The following MINDY4 variants were observed in gnomAD, a reference collection of about 807,000 sequenced individuals.
MINDY4 encodes the protein MINDY lysine 48 deubiquitinase 4.
MINDY4 carries 68 observed loss-of-function variants against 87.0 expected under a neutral mutation model. The observed-to-expected ratio is 0.78, with a 90% CI of 0.64 to 0.96. The LOEUF (loss-of-function observed/expected upper bound fraction) is 0.96. MINDY4 is among the 40% of genes least tolerant of loss of function. The pLI is 0.00. For synonymous variants in MINDY4, 379 were observed against 363.2 expected, an observed-to-expected ratio of 1.04 and a Z score of -0.50; for missense variants, 919 against 928.2, an observed-to-expected ratio of 0.99 and a Z score of 0.13.
chr7:30,886,955 A>G, intron 17 of MINDY4, among the ~76,000 whole-genome samples: 1 of 152,202 alleles, frequency 6.6e-6, no homozygotes, highest in East Asian at 1.9e-4. Flanking sequence ...GCCTGGCTAG[A>G]GTGAGAAAAA....
At chr7:30,771,592 C>T (rs1195770950) in intron 1 of MINDY4, 36 bp downstream of exon 1, 1 of 1,565,436 alleles carries the variant, frequency 6.4e-7, no homozygotes, top group East Asian at 2.3e-5. Flanking sequence ...CAGGAAGTGG[C>T]TCTAATTTGG....
At chr7:30,779,488 T>G (rs1786936272) in intron 2 of MINDY4, 1 of 152,228 alleles carries the variant, frequency 6.6e-6, no homozygotes, top group African/African-American at 2.4e-5. Context: ...AGTTCAGCAT[T>G]TATCACAATT....
rs999014215 is a variant in MINDY4, at chr7:30,878,633, A to G, written c.1971+2977A>G. Among the ~76,000 whole-genome samples, 6 of 152,186 alleles carry G rather than the reference A, an allele frequency of 3.9e-5. No homozygotes were observed. In the South Asian group the frequency reaches 1.2e-3, roughly 32 times the overall value. ...GTCATGGTGGTGATGGGGGACTGAC[A>G]GTCCAGGAGGGATGGGGTGGGACAG... On this transcript the variant is annotated intron_variant, in intron 15 of 17. Transcript: ENST00000265299.
At chr7:30,796,148 T>G (rs1787482279) in intron 5 of MINDY4, among the ~76,000 whole-genome samples, 1 of 152,118 alleles carries the variant, frequency 6.6e-6, no homozygotes. Context: ...TCACTATGGT[T>G]TTTAAAATAT....
intron 5 of MINDY4, among the ~76,000 whole-genome samples, chr7:30,817,932 G>A (rs1211527605): frequency 6.6e-6 from 1 of 152,146 alleles, no homozygotes; most frequent in African/African-American, 2.4e-5. Flanking sequence ...TGGTCCTGGG[G>A]TTTTCAGTTT....
chr7:30,802,168 C>T (rs1393239478), intron 5 of MINDY4, among the ~76,000 whole-genome samples: 2 of 151,920 alleles, frequency 1.3e-5, no homozygotes, highest in Non-Finnish European at 2.9e-5. Context: ...TAGCTATGTT[C>T]CAGCAGTTCC....
intron 15 of MINDY4, among the ~76,000 whole-genome samples, chr7:30,880,022 T>G (rs1790409160): frequency 6.6e-6 from 1 of 152,224 alleles, no homozygotes; most frequent in Admixed American, 6.5e-5. Flanking sequence ...AATTAATGTG[T>G]CATCCCCATC....
chr7:30,884,374 C>A (rs1419365169), intron 17 of MINDY4, among the ~76,000 whole-genome samples: 1 of 152,188 alleles, frequency 6.6e-6, no homozygotes, highest in Non-Finnish European at 1.5e-5. Flanking sequence ...TGTGCTGGTG[C>A]TTCTTTCGTC....
rs775855866 is a variant in MINDY4 at position 30,771,470 on chromosome 7, G to C, written c.-24G>C. ...GGTGCTGCGGCCCGGCGTGGGCCTC[G>C]TGGGCAGAGCCAGAGCCAGAGCCAT... On this transcript the variant is annotated 5_prime_UTR_variant, in exon 1 of 18. Coordinates refer to ENST00000265299, the MANE Select transcript of MINDY4 (RefSeq NM_032222.3). The C allele has an allele frequency of 4.4e-6, 7 of 1,595,486 alleles. No individual in the cohort carries two copies. Among genetic ancestry groups the C allele is most frequent in the East Asian group, 2.3e-5 (1 of 44,232 alleles).
intron 1 of MINDY4, among the ~76,000 whole-genome samples, chr7:30,776,137 G>GT (rs139937494): frequency 0.014 from 2,164 of 152,282 alleles, 52 homozygotes; most frequent in African/African-American, 0.05. Flanking sequence ...GCCTCCTACA[G>GT]TTTATTTTCA....
intron 5 of MINDY4, among the ~76,000 whole-genome samples, chr7:30,812,777 T>G (rs1266338498): frequency 6.6e-6 from 1 of 152,016 alleles, no homozygotes; most frequent in Non-Finnish European, 1.5e-5. Flanking sequence ...TCTTACCCCC[T>G]CTAACCAGCT....
In MINDY4 at chr7:30,771,535, C is replaced by A; in HGVS notation, c.42C>A (p.Val14=). Residue 14 remains valine (V), a synonymous_variant, in exon 1 of 18, where the codon GTC becomes GTA. Coordinates refer to ENST00000265299, the MANE Select transcript of MINDY4 (RefSeq NM_032222.3). ...TGGAGGAGGTGGCCGCCTCCTTGGT[C>A]AGGGAGTTCCTCAGCAGAAAGGTAA... ...LFVEEVAASL[V]REFLSRKGLK... is the part of the protein sequence containing the mutation. 6.2e-7 allele frequency: 1 copy of A among 1,603,176 alleles called. No homozygotes were observed. Among genetic ancestry groups the A allele is most frequent in the African/African-American group, 1.3e-5 (1 of 74,994 alleles).
intron 9 of MINDY4, among the ~76,000 whole-genome samples, chr7:30,845,297 T>C (rs1789172748): frequency 6.6e-6 from 1 of 151,986 alleles, no homozygotes; most frequent in Non-Finnish European, 1.5e-5. Flanking sequence ...AGCAAACACC[T>C]ACAGAGCCCC....
chr7:30,826,834 C>A (rs1238894639), intron 5 of MINDY4, among the ~76,000 whole-genome samples: 1 of 152,192 alleles, frequency 6.6e-6, no homozygotes, highest in African/African-American at 2.4e-5. Flanking sequence ...GCTTGCAAAG[C>A]ACTTAGCACA....
At chr7:30,877,930 T>G (rs866309430) in intron 15 of MINDY4, among the ~76,000 whole-genome samples, 8 of 135,336 alleles carry the variant, frequency 5.9e-5, no homozygotes, top group Admixed American at 1.7e-4. Flanking sequence ...TCCACCCACC[T>G]CAGCCTTACA....
At chr7:30,810,174 C>CAAAAAAAAAAAAAAAAAA (rs58498956) in intron 5 of MINDY4, among the ~76,000 whole-genome samples, 1 of 66,698 alleles carries the variant, frequency 1.5e-5, no homozygotes, top group Non-Finnish European at 2.6e-5. Context: ...GACTCTGTTT[C>CAAAAAAAAAAAAAAAAAA]AAAAAAAAAA....
intron 17 of MINDY4, 152 bp from the exon 18 acceptor site, chr7:30,891,805 G>T (rs1790800532): frequency 1.0e-5 from 8 of 764,218 alleles, no homozygotes; most frequent in East Asian, 2.5e-5. Flanking sequence ...GTGGGTTTGT[G>T]TGAATTTGGA....
chr7:30,812,377 T>G (rs1175823749), intron 5 of MINDY4, among the ~76,000 whole-genome samples: 1 of 152,194 alleles, frequency 6.6e-6, no homozygotes, highest in Non-Finnish European at 1.5e-5. Flanking sequence ...TGTTTTATTT[T>G]TCATTCAGTT....
At chr7:30,860,628 G>A (rs541445291) in intron 13 of MINDY4, among the ~76,000 whole-genome samples, 8 of 152,066 alleles carry the variant, frequency 5.3e-5, no homozygotes, top group Admixed American at 2.0e-4. Context: ...CCATCCATGC[G>A]GGGGCCCTCT....
Sources: allele counts gnomAD v4.1 joint callset (sites outside exome capture counted in the v4.1 genomes callset), GRCh38; gene constraint gnomAD v4.1.1; transcripts MANE v1.5; gene names NCBI Gene and HGNC (gene_info 2026-07-23, HGNC 2026-07-21).